The following PRKCA variants were observed in gnomAD, a reference collection of about 807,000 sequenced individuals.
The protein encoded by PRKCA is protein kinase C alpha type.
In PRKCA, 27 loss-of-function variants were observed where a neutral mutation model predicts 87.0. That is an observed-to-expected ratio of 0.31 (90% CI 0.23 to 0.43). The LOEUF is 0.43. Ranked by LOEUF, PRKCA falls within the 20% of genes least tolerant of loss-of-function variation. The pLI is 1.00. For missense variants in PRKCA, 518 were observed against 852.3 expected (o/e 0.61, Z 4.88); for synonymous variants, 329 against 311.1 (o/e 1.06, Z -0.61).
At chr17:66,589,262 C>T (rs777100267) in intron 3 of PRKCA, among the ~76,000 whole-genome samples, 7 of 152,086 alleles carry the variant, frequency 4.6e-5, no homozygotes, top group Non-Finnish European at 7.4e-5. Context: ...CAAGAGATAA[C>T]GGCTGTTAGT....
At chr17:66,681,845 C>T (rs995535191) in intron 5 of PRKCA, among the ~76,000 whole-genome samples, 7 of 152,186 alleles carry the variant, frequency 4.6e-5, no homozygotes, top group African/African-American at 1.4e-4. Context: ...ACTCGGGTGC[C>T]TGCAAGCCTT....
intron 3 of PRKCA, among the ~76,000 whole-genome samples, chr17:66,547,434 A>C (rs1367580877): frequency 6.6e-6 from 1 of 151,952 alleles, no homozygotes. Flanking sequence ...GTCATCTCCT[A>C]GCATCTAGGA....
chr17:66,481,065 T>C (rs961355600), intron 2 of PRKCA, among the ~76,000 whole-genome samples: 1 of 152,148 alleles, frequency 6.6e-6, no homozygotes, highest in Admixed American at 6.5e-5. Flanking sequence ...CTGGATCTGC[T>C]GTCCTTTTTC....
chr17:66,534,530 G>A (rs1376459573), intron 3 of PRKCA, among the ~76,000 whole-genome samples: 2 of 152,090 alleles, frequency 1.3e-5, no homozygotes, highest in East Asian at 3.9e-4. Context: ...AGCCGGGCGT[G>A]GTGGCGGGCG....
In PRKCA at chr17:66,597,841, C is replaced by T. The variant is rs1478949248; in HGVS notation, c.289-43514C>T. On this transcript the variant is annotated intron_variant, in intron 3 of 16. Coordinates refer to ENST00000413366, the MANE Select transcript of PRKCA (RefSeq NM_002737.3). ...CAGCACCATTTATTAAATAGGGAATCCTTTCCCCATTGCTTGTTTTTCTCA... is the reference window on the plus strand; with the variant it reads ...CAGCACCATTTATTAAATAGGGAATTCTTTCCCCATTGCTTGTTTTTCTCA... Among the ~76,000 whole-genome samples the T allele has an allele frequency of 1.4e-4, 10 of 70,022 alleles. 1 individual carries two copies. Among genetic ancestry groups the T allele is most frequent in the Admixed American group, 3.3e-4 (2 of 6,002 alleles). 45.9% of individuals were successfully genotyped at this position (70,022 alleles called of 152,430 possible). A position where few individuals can be genotyped will look rare whatever the true frequency, so the allele number is the denominator to read the frequency against.
intron 2 of PRKCA, among the ~76,000 whole-genome samples, chr17:66,393,210 C>T (rs1910462945): frequency 6.6e-6 from 1 of 152,070 alleles, no homozygotes; most frequent in South Asian, 2.1e-4. Flanking sequence ...CCTTTGGAGT[C>T]TAGTAAGGTT....
chr17:66,348,974 A>AT (rs1907569937), intron 2 of PRKCA, among the ~76,000 whole-genome samples: 2 of 152,156 alleles, frequency 1.3e-5, no homozygotes, highest in Admixed American at 6.5e-5. Flanking sequence ...TTGGTTGAGG[A>AT]TTTTTTCATA....
At chr17:66,414,446 C>T (rs9972974) in intron 2 of PRKCA, among the ~76,000 whole-genome samples, 5,775 of 152,290 alleles carry the variant, frequency 0.038, 160 homozygotes, top group Admixed American at 0.072. Context: ...GCTTCCTGTA[C>T]GGCCTGTGGA....
intron 13 of PRKCA, among the ~76,000 whole-genome samples, chr17:66,766,014 G>T (rs897812105): frequency 2.0e-5 from 3 of 152,216 alleles, no homozygotes; most frequent in African/African-American, 7.2e-5. Context: ...GCTCTGGCTA[G>T]ATTCTAAACC....
intron 2 of PRKCA, among the ~76,000 whole-genome samples, chr17:66,342,709 A>T (rs1882341391): frequency 6.6e-6 from 1 of 152,094 alleles, no homozygotes; most frequent in Non-Finnish European, 1.5e-5. Context: ...TTGATAGTAG[A>T]TTTAACTGAT....
At chr17:66,508,109 A>C (rs902817019) in intron 3 of PRKCA, among the ~76,000 whole-genome samples, 1 of 152,300 alleles carries the variant, frequency 6.6e-6, no homozygotes, top group African/African-American at 2.4e-5. Flanking sequence ...CTAAGAGAAA[A>C]CAGCAAGTGG....
chr17:66,504,677 G>C (rs953177547), intron 3 of PRKCA, among the ~76,000 whole-genome samples: 1 of 152,136 alleles, frequency 6.6e-6, no homozygotes, highest in African/African-American at 2.4e-5. Flanking sequence ...AGCAGGGAGA[G>C]AGCCAGCCTG....
chr17:66,398,004 C>A (rs1397132278), intron 2 of PRKCA: 1 of 152,176 alleles, frequency 6.6e-6, no homozygotes, highest in African/African-American at 2.4e-5. Flanking sequence ...GTCTCTGTAC[C>A]AGGACATGGA....
intron 3 of PRKCA, among the ~76,000 whole-genome samples, chr17:66,623,559 A>G (rs1046973865): frequency 3.3e-5 from 5 of 152,214 alleles, no homozygotes; most frequent in Non-Finnish European, 7.3e-5. Context: ...TTCGTTTGAC[A>G]GATGTTCACA....
At chr17:66,413,669 C>T (rs1911950070) in intron 2 of PRKCA, among the ~76,000 whole-genome samples, 1 of 152,120 alleles carries the variant, frequency 6.6e-6, no homozygotes, top group Non-Finnish European at 1.5e-5. Context: ...TCCGGTCTCT[C>T]AGGAAATTAC....
Position 66,803,918 on chromosome 17 carries a change from C to G in PRKCA, c.1900C>G (p.Gln634Glu). 1 of 1,614,024 alleles carries G rather than the reference C, an allele frequency of 6.2e-7. No individual in the cohort carries two copies. The highest frequency in any genetic ancestry group is 8.5e-7 in the Non-Finnish European group (1 of 1,179,934). The change falls in exon 17 of 17, where the codon CAG becomes GAG. Residue 634 changes from glutamine (Q) to glutamate (E), a missense_variant. This residue lies in a region of PRKCA where 159 missense variants were observed against 232.4 expected (regional missense o/e 0.68). Coordinates refer to ENST00000413366, the MANE Select transcript of PRKCA (RefSeq NM_002737.3). The surrounding 1 kb of genome is among the most constrained non-coding windows in gnomAD (Gnocchi z 4.4). ...ENFDKFFTRG[Q>E]PVLTPPDQLV... ...CTTTGACAAGTTCTTCACACGAGGA[C>G]AGCCCGTCTTAACACCACCTGATCA...
chr17:66,473,831 G>T (rs1196353067), intron 2 of PRKCA, among the ~76,000 whole-genome samples: 1 of 152,128 alleles, frequency 6.6e-6, no homozygotes, highest in Non-Finnish European at 1.5e-5. Flanking sequence ...CTACTCGGGA[G>T]GCTGAGGCAG....
At chr17:66,358,789 A>G (rs756659976) in intron 2 of PRKCA, among the ~76,000 whole-genome samples, 3 of 152,066 alleles carry the variant, frequency 2.0e-5, no homozygotes, top group Non-Finnish European at 4.4e-5. Context: ...ATTACTGTCC[A>G]AATGGCCCCA....
intron 2 of PRKCA, among the ~76,000 whole-genome samples, chr17:66,460,095 C>A (rs1271251448): frequency 6.6e-6 from 1 of 152,346 alleles, no homozygotes; most frequent in African/African-American, 2.4e-5. Context: ...AAATAGGAAG[C>A]CCACAGAGTT....
Sources: gnomAD v4.1 joint callset for allele counts (sites outside exome capture counted in the v4.1 genomes callset) on GRCh38, gnomAD v4.1.1 for gene constraint, gnomAD v4.1.1 regional missense constraint, Gnocchi (gnomAD v3.1) non-coding constraint, MANE v1.5 for transcripts, NCBI Gene and HGNC (gene_info 2026-07-23, HGNC 2026-07-21) for gene names.